Variants in NFYC observed in about 807,000 individuals in gnomAD.
NFYC encodes nuclear transcription factor Y subunit gamma.
NFYC carries 25 observed loss-of-function variants against 53.1 expected under a neutral mutation model. That is an observed-to-expected ratio of 0.47 (90% CI 0.34 to 0.66). The LOEUF is 0.66. NFYC is among the 30% of genes least tolerant of loss of function. The pLI is 0.01. For missense variants in NFYC, 260 were observed against 422.7 expected, an observed-to-expected ratio of 0.62 and a Z score of 3.38; for synonymous variants, 145 against 152.6, an observed-to-expected ratio of 0.95 and a Z score of 0.37.
chr1:40,714,341 C>A (rs959630436), intron 1 of NFYC, among the ~76,000 whole-genome samples: 2 of 152,156 alleles, frequency 1.3e-5, no homozygotes, highest in Non-Finnish European at 2.9e-5. Flanking sequence ...TTCCCATCAG[C>A]AAAGTGGTAT....
chr1:40,710,517 A>G (rs1210899692), intron 1 of NFYC, among the ~76,000 whole-genome samples: 1 of 152,180 alleles, frequency 6.6e-6, no homozygotes, highest in Non-Finnish European at 1.5e-5. Context: ...CCCACATACT[A>G]AGATCTATAA....
chr1:40,709,099 G>C (rs1557750666), intron 1 of NFYC, among the ~76,000 whole-genome samples: 1 of 152,190 alleles, frequency 6.6e-6, no homozygotes, highest in Non-Finnish European at 1.5e-5. Context: ...CAGCTGCTAT[G>C]TGCATTTGCC....
At chr1:40,707,472 T>TC (rs757034573) in intron 1 of NFYC, among the ~76,000 whole-genome samples, 100 of 123,384 alleles carry the variant, frequency 8.1e-4, no homozygotes, top group Non-Finnish European at 1.2e-3. Flanking sequence ...AGAGTGAGAC[T>TC]CCATCTCCAA....
intron 7 of NFYC, chr1:40,766,088 G>C (rs1157001718): frequency 6.5e-6 from 1 of 153,760 alleles, no homozygotes; most frequent in Non-Finnish European, 1.4e-5. Context: ...AGATGGTTAA[G>C]CAGTCCAGCT....
Position 40,758,182 on chromosome 1 carries a change from A to C in NFYC, c.449A>C (p.Gln150Pro), listed in dbSNP as rs768732754. ...GTCCAGTACTATTTCACGCTGGCTCAGCAACCCACCGCTGTCCAAGTCCAG... is the reference window on the plus strand; with the variant it reads ...GTCCAGTACTATTTCACGCTGGCTCCGCAACCCACCGCTGTCCAAGTCCAG... ...EPVQYYFTLAQQPTAVQVQGQ... is the reference protein window; with the variant it reads ...EPVQYYFTLAPQPTAVQVQGQ... Residue 150 changes from glutamine (Q) to proline (P), a missense_variant, in exon 6 of 10, where the codon CAG becomes CCG. By Grantham distance (76) the Gln-to-Pro change is moderately conservative. Coordinates refer to ENST00000447388, the MANE Select transcript of NFYC (RefSeq NM_014223.5). 1 of 1,612,728 alleles carries C rather than the reference A, an allele frequency of 6.2e-7. No homozygotes were observed. The highest frequency in any genetic ancestry group is 8.5e-7 in the Non-Finnish European group (1 of 1,180,026).
At chr1:40,707,492 AAAGAG>A (rs760730592) in intron 1 of NFYC, among the ~76,000 whole-genome samples, 25 of 104,730 alleles carry the variant, frequency 2.4e-4, no homozygotes, top group South Asian at 5.9e-4. Context: ...AAAAAAAAAA[AAAGAG>A]AGAGAGAGAG....
chr1:40,716,866 T>C (rs1463568218), intron 1 of NFYC, among the ~76,000 whole-genome samples: 1 of 152,010 alleles, frequency 6.6e-6, no homozygotes, highest in African/African-American at 2.4e-5. Flanking sequence ...CTGATTAGAA[T>C]TGAGGAACAG....
chr1:40,730,146 G>A lies in NFYC; in HGVS notation c.-8-8690G>A, dbSNP rs564111066. Among the ~76,000 whole-genome samples, 441 of 151,340 alleles carry A rather than the reference G, an allele frequency of 2.9e-3. 5 individuals carry two copies. The highest frequency in any genetic ancestry group is 0.01 in the African/African-American group (423 of 41,194). ...CCACCTCAGCCTTCTGAGTAGCTAG[G>A]ACCACAGGTGCATGCCATCAGCAGG... On this transcript the variant is annotated intron_variant, in intron 1 of 9. Transcript: ENST00000447388.
At chr1:40,707,437 G>A (rs1285046496) in intron 1 of NFYC, among the ~76,000 whole-genome samples, 2 of 147,544 alleles carry the variant, frequency 1.4e-5, no homozygotes, top group Non-Finnish European at 3.0e-5. Flanking sequence ...TCAAGATCAC[G>A]CCGCTGCACT....
chr1:40,713,676 T>C (rs1446157250), intron 1 of NFYC, among the ~76,000 whole-genome samples: 11 of 152,338 alleles, frequency 7.2e-5, no homozygotes, highest in Admixed American at 7.2e-4. Context: ...GCCCAGTAAG[T>C]TCAGGTGCCC....
At chr1:40,737,868 A>G (rs899326743) in intron 1 of NFYC, among the ~76,000 whole-genome samples, 4 of 151,630 alleles carry the variant, frequency 2.6e-5, no homozygotes, top group African/African-American at 9.7e-5. Context: ...CACAGTGTCT[A>G]AAACAAAAGA....
At chr1:40,733,013 C>CG (rs1570503231) in intron 1 of NFYC, among the ~76,000 whole-genome samples, 1 of 78,060 alleles carries the variant, frequency 1.3e-5, no homozygotes, top group African/African-American at 4.1e-5. Context: ...GATTCGCCCC[C>CG]CCCCCCTTTT....
intron 7 of NFYC, chr1:40,763,496 G>C: frequency 2.3e-6 from 1 of 433,896 alleles, no homozygotes; most frequent in Non-Finnish European, 4.6e-6. Flanking sequence ...ATAGGCACGT[G>C]CCACTATGCC....
At chr1:40,732,441 C>T (rs1644816454) in intron 1 of NFYC, among the ~76,000 whole-genome samples, 1 of 152,188 alleles carries the variant, frequency 6.6e-6, no homozygotes, top group African/African-American at 2.4e-5. Flanking sequence ...GATTTCCAAA[C>T]AATTTTAAAA....
At chr1:40,695,991 A>G (rs933089961) in intron 1 of NFYC, among the ~76,000 whole-genome samples, 1 of 151,770 alleles carries the variant, frequency 6.6e-6, no homozygotes, top group East Asian at 1.9e-4. Flanking sequence ...AGTAAGTAGC[A>G]GAGCCCAGAT....
At chr1:40,722,424 A>G (rs1173195888) in intron 1 of NFYC, among the ~76,000 whole-genome samples, 1 of 152,194 alleles carries the variant, frequency 6.6e-6, no homozygotes. Flanking sequence ...CTCTATTTTA[A>G]TATGTATTTC....
intron 1 of NFYC, among the ~76,000 whole-genome samples, chr1:40,699,552 T>G (rs901795569): frequency 1.3e-5 from 2 of 152,334 alleles, no homozygotes; most frequent in African/African-American, 4.8e-5. Flanking sequence ...ATGACGAAGT[T>G]GGGGCCTTTT....
intron 2 of NFYC, among the ~76,000 whole-genome samples, chr1:40,743,163 T>C (rs549449052): frequency 2.0e-5 from 3 of 152,260 alleles, no homozygotes; most frequent in Non-Finnish European, 2.9e-5. Context: ...TTGGAAACAC[T>C]GGCCTCAAGT....
At chr1:40,696,029 T>TG in intron 1 of NFYC, among the ~76,000 whole-genome samples, 1 of 149,662 alleles carries the variant, frequency 6.7e-6, no homozygotes, top group Non-Finnish European at 1.5e-5. Context: ...ATTCTGTTTT[T>TG]TTTTTTTTTT....
Sources: allele counts gnomAD v4.1 joint callset (sites outside exome capture counted in the v4.1 genomes callset), GRCh38; gene constraint gnomAD v4.1.1; transcripts MANE v1.5; gene names NCBI Gene and HGNC (gene_info 2026-07-23, HGNC 2026-07-21).